The following PAH variants were observed in gnomAD, a reference collection of about 807,000 sequenced individuals.
PAH encodes phenylalanine hydroxylase.
PAH carries 64 observed loss-of-function variants against 62.0 expected under a neutral mutation model. The observed-to-expected ratio is 1.03, with a 90% CI of 0.84 to 1.27. PAH has a LOEUF of 1.27. Among genes scored for constraint, PAH ranks in the 50% most tolerant of loss-of-function variants. The pLI is 0.00. For missense variants in PAH, 579 were observed against 542.8 expected (o/e 1.07, Z -0.66); for synonymous variants, 195 against 196.2 (o/e 0.99, Z 0.05).
chr12:102,891,075 C>G (rs996636423), intron 3 of PAH, among the ~76,000 whole-genome samples: 2 of 152,040 alleles, frequency 1.3e-5, no homozygotes, highest in Non-Finnish European at 2.9e-5. Context: ...CAGAGTGAGG[C>G]TCCATCTCAA....
chr12:102,879,612 G>GC (rs1182385150), intron 3 of PAH, among the ~76,000 whole-genome samples: 1 of 151,416 alleles, frequency 6.6e-6, no homozygotes, highest in East Asian at 1.9e-4. Context: ...CTGTGGGGGG[G>GC]GGGTACTATT....
intron 6 of PAH, chr12:102,854,647 T>C (rs1875325587): frequency 1.4e-5 from 3 of 220,530 alleles, no homozygotes; most frequent in Non-Finnish European, 2.7e-5. Flanking sequence ...ATTTGACAGA[T>C]GACAAAACTG....
intron 1 of PAH, among the ~76,000 whole-genome samples, chr12:102,927,748 A>T (rs1878726383): frequency 6.6e-6 from 1 of 152,206 alleles, no homozygotes. Context: ...AAAGCCTTGT[A>T]TTCCTCATTA....
At chr12:102,855,096 C>T (rs376161788) in intron 6 of PAH, 40 bp downstream of exon 6, 1 of 1,549,054 alleles carries the variant, frequency 6.5e-7, no homozygotes, top group Non-Finnish European at 8.9e-7. Flanking sequence ...CAATCCTCCC[C>T]CAACTTTCTG....
chr12:102,946,592 A>C (rs1303376882), intron 1 of PAH: 1 of 152,336 alleles, frequency 6.6e-6, no homozygotes, highest in Non-Finnish European at 1.5e-5. Flanking sequence ...CGAAGCACAC[A>C]GATTCTCTGT....
intron 2 of PAH, among the ~76,000 whole-genome samples, chr12:102,895,869 A>AAATATATATATATATAT (rs953209518): frequency 8.4e-6 from 1 of 118,742 alleles, no homozygotes; most frequent in African/African-American, 3.6e-5. Context: ...AAAAAAAAAA[A>AAATATATATATATATAT]ATATATATAT....
At chr12:102,932,432 C>T (rs572705114) in intron 1 of PAH, among the ~76,000 whole-genome samples, 1 of 152,266 alleles carries the variant, frequency 6.6e-6, no homozygotes, top group East Asian at 1.9e-4. Flanking sequence ...GACCCAGTTG[C>T]TTGAGGCTAG....
At chr12:102,952,058 C>T (rs1185543972), upstream of PAH, among the ~76,000 whole-genome samples, 2 of 152,210 alleles carry the variant, frequency 1.3e-5, no homozygotes, top group South Asian at 2.1e-4. Flanking sequence ...GACTCAAGAG[C>T]GCTTTTTCTT....
intron 3 of PAH, among the ~76,000 whole-genome samples, chr12:102,889,042 G>A (rs562097318): frequency 6.6e-6 from 1 of 152,008 alleles, no homozygotes; most frequent in African/African-American, 2.4e-5. Context: ...GGTGGGAGTG[G>A]GGAAAAACTC....
chr12:102,852,934 G>A lies in PAH; in HGVS notation c.723C>T (p.Arg241=). The change falls in exon 7 of 13, where the codon CGC becomes CGT. Residue 241 remains arginine, a synonymous_variant. Transcript: ENST00000553106. The part of the protein sequence containing the change: ...SQFLQTCTGF[R]LRPVAGLLSS... ...AAAGCAGGCCAGCCACAGGTCGGAG[G>A]CGGAAACCAGTGCAAGCTGGGATGA... 1 of 1,614,112 alleles carries A rather than the reference G, an allele frequency of 6.2e-7. No homozygotes were observed. The highest frequency in any genetic ancestry group is 1.7e-5 in the Admixed American group (1 of 60,020).
chr12:102,949,773 G>A (rs1408767671), intron 1 of PAH, among the ~76,000 whole-genome samples: 1 of 152,126 alleles, frequency 6.6e-6, no homozygotes, highest in East Asian at 1.9e-4. Flanking sequence ...ATTTGGGGTG[G>A]GAGATGCAGG....
chr12:102,934,045 T>A (rs1391898559), intron 1 of PAH, among the ~76,000 whole-genome samples: 1 of 152,112 alleles, frequency 6.6e-6, no homozygotes, highest in Non-Finnish European at 1.5e-5. Context: ...GTTTCCCCAA[T>A]GTTTTCTTTC....
chr12:102,870,359 G>A (rs1876253719), intron 4 of PAH, among the ~76,000 whole-genome samples: 1 of 152,184 alleles, frequency 6.6e-6, no homozygotes, highest in Admixed American at 6.5e-5. Flanking sequence ...TGGCCTGGGA[G>A]TGGCCAGTTT....
chr12:102,905,806 CAG>C (rs1316880241), intron 2 of PAH, among the ~76,000 whole-genome samples: 16 of 148,686 alleles, frequency 1.1e-4, no homozygotes, highest in Non-Finnish European at 1.6e-4. Context: ...GACTTGGCAT[CAG>C]AGTCACCAGT....
intron 2 of PAH, among the ~76,000 whole-genome samples, chr12:102,910,323 C>G (rs1307459033): frequency 1.3e-5 from 2 of 151,348 alleles, no homozygotes; most frequent in Non-Finnish European, 2.9e-5. Flanking sequence ...TGTCATACCA[C>G]AGGAATCACA....
intron 5 of PAH, among the ~76,000 whole-genome samples, chr12:102,859,365 A>G (rs959992927): frequency 1.3e-5 from 2 of 152,192 alleles, no homozygotes; most frequent in Non-Finnish European, 2.9e-5. Flanking sequence ...ACAGGACCAG[A>G]TGGATTCATA....
At chr12:102,884,122 A>G (rs1381294822) in intron 3 of PAH, among the ~76,000 whole-genome samples, 1 of 152,204 alleles carries the variant, frequency 6.6e-6, no homozygotes, top group Non-Finnish European at 1.5e-5. Context: ...TCCCTTACAT[A>G]AAGTTAATGC....
intron 3 of PAH, among the ~76,000 whole-genome samples, chr12:102,889,153 T>A (rs10860935): frequency 0.18 from 27,779 of 152,028 alleles, 3,102 homozygotes; most frequent in African/African-American, 0.32. Context: ...CTCCTAAAAA[T>A]TATGCATGCA....
At chr12:102,859,713 A>C (rs867901830) in intron 5 of PAH, among the ~76,000 whole-genome samples, 3 of 152,232 alleles carry the variant, frequency 2.0e-5, no homozygotes, top group Admixed American at 6.5e-5. Context: ...ACAGAACCAA[A>C]GACAAAAACC....
Sources: gnomAD v4.1 joint callset for allele counts (sites outside exome capture counted in the v4.1 genomes callset) on GRCh38, gnomAD v4.1.1 for gene constraint, MANE v1.5 for transcripts, NCBI Gene and HGNC (gene_info 2026-07-23, HGNC 2026-07-21) for gene names.